CSRNP3: variants seen among roughly 807,000 people sequenced by gnomAD.
CSRNP3 encodes cysteine and serine rich nuclear protein 3.
Under a neutral mutation model 48.0 loss-of-function variants are expected in CSRNP3, and 12 were observed. The ratio of observed to expected loss-of-function variants is 0.25; its 90% confidence interval spans 0.16 to 0.41. The LOEUF (loss-of-function observed/expected upper bound fraction) is 0.41. Among genes scored for constraint, CSRNP3 ranks in the 10% least tolerant of loss-of-function variants. The pLI, the probability that CSRNP3 is intolerant of heterozygous loss-of-function variation, is 1.00. For synonymous variants in CSRNP3, 263 were observed against 269.7 expected (o/e 0.98, Z 0.24); for missense variants, 580 against 724.4 (o/e 0.80, Z 2.29).
At chr2:165,603,237 T>C (rs1403630931) in intron 4 of CSRNP3, among the ~76,000 whole-genome samples, 4 of 152,198 alleles carry the variant, frequency 2.6e-5, no homozygotes, top group African/African-American at 9.6e-5. Context: ...ACTTTGGCAA[T>C]GGTTTTCCTT....
intron 1 of CSRNP3, among the ~76,000 whole-genome samples, chr2:165,477,483 A>AATTATATATATATATATATATATATAT (rs1683978110): frequency 7.7e-6 from 1 of 129,676 alleles, no homozygotes; most frequent in Non-Finnish European, 1.7e-5. Flanking sequence ...ATATATATGA[A>AATTATATATATATATATATATATATAT]ATATATATAT....
chr2:165,487,045 GA>G (rs1684130972), intron 1 of CSRNP3, among the ~76,000 whole-genome samples: 1 of 28,594 alleles, frequency 3.5e-5, no homozygotes, highest in Non-Finnish European at 6.4e-5. Context: ...TGAAAACTTT[GA>G]AAAAAATTTA....
At chr2:165,669,306 T>G (rs540117830) in intron 5 of CSRNP3, among the ~76,000 whole-genome samples, 62 of 152,358 alleles carry the variant, frequency 4.1e-4, no homozygotes, top group African/African-American at 1.5e-3. Flanking sequence ...TTATTTTGTT[T>G]TGCCCTGGCA....
At chr2:165,608,789 TAA>T (rs34437387) in intron 4 of CSRNP3, among the ~76,000 whole-genome samples, 157 of 148,006 alleles carry the variant, frequency 1.1e-3, no homozygotes, top group African/African-American at 1.8e-3. Flanking sequence ...GTAAAAAAAT[TAA>T]AAAAAAAAAA....
rs1159941595 is a variant in CSRNP3, at chr2:165,681,726, C to CATATATATATATAT, written c.*1995_*2008dup. On this transcript the variant is annotated 3_prime_UTR_variant, in exon 7 of 7. Transcript: ENST00000651982. Reference sequence around the variant, plus strand: ...AGGATTTGTTGAAATCTCAAATATACATATATATATATATATATATATATA... The same window carrying CATATATATATATAT: ...AGGATTTGTTGAAATCTCAAATATACATATATATATATATATATATATATATATATATATATATA... 117 of 93,650 alleles carry CATATATATATATAT rather than the reference C, an allele frequency of 1.2e-3. No homozygotes were observed. Among genetic ancestry groups the CATATATATATATAT allele is most frequent in the Non-Finnish European group, 1.6e-3 (81 of 51,492 alleles). 5.8% of individuals were successfully genotyped at this position (93,650 alleles called of 1,614,324 possible).
At chr2:165,594,777 A>G (rs1685781397) in intron 3 of CSRNP3, among the ~76,000 whole-genome samples, 1 of 152,208 alleles carries the variant, frequency 6.6e-6, no homozygotes, top group Admixed American at 6.5e-5. Context: ...TTGCCAATAA[A>G]AAGGAATAAT....
At chr2:165,625,592 C>A (rs575413877) in intron 4 of CSRNP3, among the ~76,000 whole-genome samples, 2 of 151,580 alleles carry the variant, frequency 1.3e-5, no homozygotes, top group East Asian at 3.9e-4. Context: ...TGAGATCATG[C>A]CACTGCACTC....
At chr2:165,565,624 G>A (rs1685287373) in intron 3 of CSRNP3, among the ~76,000 whole-genome samples, 1 of 151,938 alleles carries the variant, frequency 6.6e-6, no homozygotes, top group Non-Finnish European at 1.5e-5. Context: ...TACTAAATAG[G>A]AAGCTGACTA....
chr2:165,519,438 AATG>A (rs1488101567), intron 3 of CSRNP3, among the ~76,000 whole-genome samples: 1 of 152,182 alleles, frequency 6.6e-6, no homozygotes, highest in Non-Finnish European at 1.5e-5. Flanking sequence ...AGGGATTTGA[AATG>A]GGTGGGAATG....
chr2:165,560,151 T>G (rs1004417774), intron 3 of CSRNP3, among the ~76,000 whole-genome samples: 1 of 152,172 alleles, frequency 6.6e-6, no homozygotes, highest in Non-Finnish European at 1.5e-5. Context: ...TACAATTAGG[T>G]TCTATTGCTT....
At chr2:165,647,475 T>C (rs897452123) in intron 4 of CSRNP3, among the ~76,000 whole-genome samples, 1 of 152,174 alleles carries the variant, frequency 6.6e-6, no homozygotes, top group African/African-American at 2.4e-5. Context: ...ATCTTTAAAA[T>C]TCCCTGGAAA....
chr2:165,470,208 G>A (rs1472433426), intron 1 of CSRNP3, among the ~76,000 whole-genome samples: 1 of 152,072 alleles, frequency 6.6e-6, no homozygotes, highest in Non-Finnish European at 1.5e-5. Flanking sequence ...AAAGGCTTAG[G>A]AAAACTATTT....
intron 4 of CSRNP3, among the ~76,000 whole-genome samples, chr2:165,602,795 T>A (rs1016953407): frequency 1.3e-5 from 2 of 152,230 alleles, no homozygotes; most frequent in African/African-American, 4.8e-5. Context: ...AAGGTTCATA[T>A]CAAATATTTC....
chr2:165,621,808 C>A (rs1686344448), intron 4 of CSRNP3, among the ~76,000 whole-genome samples: 1 of 152,168 alleles, frequency 6.6e-6, no homozygotes, highest in African/African-American at 2.4e-5. Flanking sequence ...CCTTTCTCTA[C>A]TGCCCTGGTT....
At chr2:165,639,857 T>G (rs1467088899) in intron 4 of CSRNP3, among the ~76,000 whole-genome samples, 1 of 152,306 alleles carries the variant, frequency 6.6e-6, no homozygotes, top group Middle Eastern at 3.4e-3. Flanking sequence ...TCATTCATAA[T>G]TATGACCCTA....
At chr2:165,532,281 C>T (rs1378927781) in intron 3 of CSRNP3, among the ~76,000 whole-genome samples, 2 of 152,154 alleles carry the variant, frequency 1.3e-5, no homozygotes, top group Non-Finnish European at 2.9e-5. Context: ...GACCAATATC[C>T]TTGATGAACA....
intron 3 of CSRNP3, among the ~76,000 whole-genome samples, chr2:165,585,222 T>C (rs1685608572): frequency 6.6e-6 from 1 of 152,194 alleles, no homozygotes; most frequent in Non-Finnish European, 1.5e-5. Context: ...GTTTTTTTTT[T>C]TTTTTAACTG....
At chr2:165,582,222 T>C (rs1685559994) in intron 3 of CSRNP3, among the ~76,000 whole-genome samples, 1 of 152,168 alleles carries the variant, frequency 6.6e-6, no homozygotes, top group African/African-American at 2.4e-5. Context: ...TAAAACTACC[T>C]TGTAGAATGT....
At chr2:165,639,044 T>C (rs1686681020) in intron 4 of CSRNP3, among the ~76,000 whole-genome samples, 1 of 152,222 alleles carries the variant, frequency 6.6e-6, no homozygotes, top group Non-Finnish European at 1.5e-5. Context: ...TAAATATATG[T>C]TGTTGATTGA....
Sources: allele counts gnomAD v4.1 joint callset (sites outside exome capture counted in the v4.1 genomes callset), GRCh38; gene constraint gnomAD v4.1.1; transcripts MANE v1.5; gene names NCBI Gene and HGNC (gene_info 2026-07-23, HGNC 2026-07-21).